The following UTRN variants were observed in gnomAD, a reference collection of about 807,000 sequenced individuals.
The protein encoded by UTRN is utrophin, also known as dystrophin-related protein 1.
In UTRN, 283 loss-of-function variants were observed where a neutral mutation model predicts 463.9. The observed-to-expected ratio is 0.61, with a 90% CI of 0.55 to 0.67. The LOEUF (loss-of-function observed/expected upper bound fraction) is 0.67. UTRN is among the 30% of genes least tolerant of loss of function. The pLI, the probability that UTRN is intolerant of heterozygous loss-of-function variation, is 0.00. For synonymous variants in UTRN, 1,442 were observed against 1,431.5 expected (o/e 1.01, Z -0.17); for missense variants, 3,922 against 4,084.3 (o/e 0.96, Z 1.08).
rs770133344 is a variant in UTRN, at chr6:144,557,252, A to C, written c.7230A>C (p.Thr2410=). Residue 2410 remains threonine (T), a synonymous_variant, in exon 50 of 75, where the codon ACA becomes ACC. Coordinates refer to ENST00000367545, the MANE Select transcript of UTRN (RefSeq NM_007124.3). ...KLLEEYGSDD[T]RNVKETTEYL... ...TGGAGGAATATGGGAGTGATGACAC[A>C]AGGAATGTGAAAGAAACCACAGAGT... 1 of 1,613,974 alleles carries C rather than the reference A, an allele frequency of 6.2e-7. No individual in the cohort carries two copies. Among genetic ancestry groups the C allele is most frequent in the Non-Finnish European group, 8.5e-7 (1 of 1,179,880 alleles).
chr6:144,471,630 C>T (rs2128567948), intron 23 of UTRN, among the ~76,000 whole-genome samples: 1 of 152,288 alleles, frequency 6.6e-6, no homozygotes, highest in East Asian at 1.9e-4. Context: ...GCCTTCTATG[C>T]TAAGACCTTG....
intron 54 of UTRN, among the ~76,000 whole-genome samples, chr6:144,742,432 G>C (rs1165441994): frequency 6.6e-6 from 1 of 152,124 alleles, no homozygotes; most frequent in East Asian, 1.9e-4. Context: ...AGGAAATAAT[G>C]TATTTCCCAA....
intron 51 of UTRN, among the ~76,000 whole-genome samples, chr6:144,668,510 T>C (rs1780659037): frequency 6.6e-6 from 1 of 152,204 alleles, no homozygotes; most frequent in African/African-American, 2.4e-5. Flanking sequence ...CAAAATGCCA[T>C]AGACTGAGTA....
At chr6:144,560,606 T>A (rs1799781937) in intron 50 of UTRN, among the ~76,000 whole-genome samples, 1 of 152,112 alleles carries the variant, frequency 6.6e-6, no homozygotes. Flanking sequence ...TGCAGCATAA[T>A]GTGTGAAGTT....
chr6:144,437,621 A>T lies in UTRN; in HGVS notation c.1116A>T (p.Ala372=). 6.2e-7 allele frequency: 1 copy of T among 1,614,084 alleles called. No homozygotes were observed. The highest frequency in any genetic ancestry group is 8.5e-7 in the Non-Finnish European group (1 of 1,180,020). ...HQSSVGSVLQ[A]GNQLITQGTL... The stretch of plus-strand genomic sequence containing the variant: ...GCAGTGTGGGCAGCGTCCTGCAGGC[A>T]GGCAACCAACTGATAACACAAGGAA... Residue 372 remains alanine, a synonymous_variant, in exon 11 of 75, where the codon GCA becomes GCT. Transcript: ENST00000367545.
At chr6:144,803,512 A>C (rs1335428499) in intron 65 of UTRN, among the ~76,000 whole-genome samples, 6 of 152,044 alleles carry the variant, frequency 3.9e-5, no homozygotes, top group Non-Finnish European at 7.4e-5. Flanking sequence ...GATATTAAAA[A>C]TATAGTTCCT....
Position 144,748,491 on chromosome 6 carries a change from C to A in UTRN, c.8185C>A (p.Gln2729Lys). ...GGGAGACTTACTCATTGACTCGCTG[C>A]AGGATCACATTGAAAAAATCATGGT... Reference protein sequence around the residue: ...PVGDLLIDSLQDHIEKIMAFR... With the variant: ...PVGDLLIDSLKDHIEKIMAFR... The change falls in exon 55 of 75, where the codon CAG becomes AAG. Residue 2729 changes from glutamine (Q) to lysine (K), a missense_variant. Transcript: ENST00000367545. The A allele has an allele frequency of 3.1e-6, 5 of 1,613,344 alleles. No homozygotes were observed. Among genetic ancestry groups the A allele is most frequent in the Non-Finnish European group, 3.4e-6 (4 of 1,179,708 alleles).
chr6:144,383,954 A>G (rs1781169389), intron 2 of UTRN, among the ~76,000 whole-genome samples: 1 of 152,248 alleles, frequency 6.6e-6, no homozygotes, highest in Non-Finnish European at 1.5e-5. Flanking sequence ...ATAGGGGAAT[A>G]TATGAAAAGT....
At chr6:144,434,141 G>C (rs554944576) in intron 9 of UTRN, among the ~76,000 whole-genome samples, 1 of 152,358 alleles carries the variant, frequency 6.6e-6, no homozygotes, top group South Asian at 2.1e-4. Context: ...AGGAGCTGGA[G>C]ACCAGCCCGG....
chr6:144,833,848 A>G (rs1433129464), intron 69 of UTRN, among the ~76,000 whole-genome samples: 1 of 152,158 alleles, frequency 6.6e-6, no homozygotes, highest in African/African-American at 2.4e-5. Context: ...GGTGTTGGCC[A>G]TTTACTTCCT....
At chr6:144,681,150 A>C (rs1007140167) in intron 52 of UTRN, among the ~76,000 whole-genome samples, 13 of 152,180 alleles carry the variant, frequency 8.5e-5, no homozygotes, top group Non-Finnish European at 1.6e-4. Flanking sequence ...TCACGTTGTT[A>C]AGACACTGGT....
chr6:144,458,889 G>C lies in UTRN; in HGVS notation c.2404G>C (p.Ala802Pro), dbSNP rs752716495. The change falls in exon 20 of 75, where the codon GCT becomes CCT. Residue 802 changes from alanine (A) to proline (P), a missense_variant. By Grantham distance (27) the Ala-to-Pro change is conservative. Coordinates refer to ENST00000367545, the MANE Select transcript of UTRN (RefSeq NM_007124.3). ...GATTCAGCTACAGGAAGATATAAAT[G>C]CTTATTTCAAGCAGCTTGATGAGCT... Reference protein sequence around the residue: ...RKIQLQEDINAYFKQLDELEK... With the variant: ...RKIQLQEDINPYFKQLDELEK... 21 of 1,613,984 alleles carry C rather than the reference G, an allele frequency of 1.3e-5. No homozygotes were observed. Among genetic ancestry groups the C allele is most frequent in the Non-Finnish European group, 1.8e-5 (21 of 1,179,994 alleles).
chr6:144,625,158 T>C (rs1775817071), intron 51 of UTRN, among the ~76,000 whole-genome samples: 3 of 152,172 alleles, frequency 2.0e-5, no homozygotes, highest in Admixed American at 1.3e-4. Flanking sequence ...GAAGAAATAG[T>C]GTGATGCCCC....
intron 41 of UTRN, among the ~76,000 whole-genome samples, chr6:144,530,479 T>C (rs1413208567): frequency 6.6e-6 from 1 of 152,170 alleles, no homozygotes; most frequent in Non-Finnish European, 1.5e-5. Context: ...ATATAACATA[T>C]AGATAGAGGG....
chr6:144,620,956 A>G (rs745416757), intron 51 of UTRN, among the ~76,000 whole-genome samples: 1 of 152,118 alleles, frequency 6.6e-6, no homozygotes, highest in African/African-American at 2.4e-5. Flanking sequence ...CTTGCATAGT[A>G]AGAGCAGCTC....
At chr6:144,729,738 G>A (rs1041206453) in intron 53 of UTRN, among the ~76,000 whole-genome samples, 4 of 152,156 alleles carry the variant, frequency 2.6e-5, no homozygotes, top group African/African-American at 9.7e-5. Context: ...GAGAATCATA[G>A]ATTTGCATGA....
chr6:144,711,691 A>G lies in UTRN; in HGVS notation c.7809+11448A>G, dbSNP rs80151851. Among the ~76,000 whole-genome samples, 608 of 152,316 alleles carry G rather than the reference A, an allele frequency of 4.0e-3. 4 individuals are homozygous for G. Among genetic ancestry groups the G allele is most frequent in the African/African-American group, 0.014 (578 of 41,574 alleles). On this transcript the variant is annotated intron_variant, in intron 53 of 74. Coordinates refer to ENST00000367545, the MANE Select transcript of UTRN (RefSeq NM_007124.3). Reference sequence around the variant, plus strand: ...ATCAGAGCTCTAATACCCTTTCTCCAATAGAATGCATATTTGATGTTAGAA... The same window carrying G: ...ATCAGAGCTCTAATACCCTTTCTCCGATAGAATGCATATTTGATGTTAGAA...
intron 66 of UTRN, among the ~76,000 whole-genome samples, chr6:144,824,572 T>TTA (rs71028314): frequency 0.054 from 2,028 of 37,722 alleles, 89 homozygotes; most frequent in Non-Finnish European, 0.075. Context: ...AGCATTTTAT[T>TTA]TATATATATA....
At chr6:144,797,490 C>T (rs375174782) in intron 63 of UTRN, among the ~76,000 whole-genome samples, 37 of 152,212 alleles carry the variant, frequency 2.4e-4, no homozygotes, top group African/African-American at 7.7e-4. Flanking sequence ...CCACCACACC[C>T]GGCCAAATGA....
Sources: gnomAD v4.1 joint callset for allele counts (sites outside exome capture counted in the v4.1 genomes callset) on GRCh38, gnomAD v4.1.1 for gene constraint, MANE v1.5 for transcripts, NCBI Gene and HGNC (gene_info 2026-07-23, HGNC 2026-07-21) for gene names.